Variants in MC2R observed in about 807,000 individuals in gnomAD.
MC2R encodes melanocortin 2 receptor.
MC2R carries 9 observed loss-of-function variants against 9.8 expected under a neutral mutation model. The ratio of observed to expected loss-of-function variants is 0.92; its 90% CI spans 0.55 to 1.60. The LOEUF (loss-of-function observed/expected upper bound fraction) is 1.60, where lower values mean the gene tolerates loss of function less well. MC2R is among the 40% of genes most tolerant of loss of function. The pLI is 0.00. For synonymous variants in MC2R, 185 were observed against 154.7 expected, an observed-to-expected ratio of 1.20 and a Z score of -1.45; for missense variants, 370 against 389.0, an observed-to-expected ratio of 0.95 and a Z score of 0.41.
intron 1 of MC2R, among the ~76,000 whole-genome samples, chr18:13,900,479 T>C (rs11080699): frequency 0.52 from 79,726 of 151,868 alleles, 22,176 homozygotes; most frequent in African/African-American, 0.72. Flanking sequence ...ATGAAAAACA[T>C]GACCCATTGA....
At chr18:13,911,540 T>G (rs2045444588) in intron 1 of MC2R, among the ~76,000 whole-genome samples, 1 of 152,204 alleles carries the variant, frequency 6.6e-6, no homozygotes, top group African/African-American at 2.4e-5. Context: ...CCTGGAAGAC[T>G]TCTCTGCCTT....
At chr18:13,909,992 C>A (rs2045435728) in intron 1 of MC2R, among the ~76,000 whole-genome samples, 1 of 152,092 alleles carries the variant, frequency 6.6e-6, no homozygotes, top group Non-Finnish European at 1.5e-5. Context: ...CTAAAAACAC[C>A]AAATCCAGTG....
chr18:13,890,689 C>T (rs1290155343), intron 1 of MC2R, among the ~76,000 whole-genome samples: 2 of 152,132 alleles, frequency 1.3e-5, no homozygotes, highest in African/African-American at 2.4e-5. Context: ...CGGCCCAATA[C>T]ACTTATGTCT....
At chr18:13,899,405 G>T (rs114433765) in intron 1 of MC2R, among the ~76,000 whole-genome samples, 107 of 152,284 alleles carry the variant, frequency 7.0e-4, no homozygotes, top group African/African-American at 2.4e-3. Flanking sequence ...AGAGTTATTG[G>T]TCTTAAAGAG....
chr18:13,885,106 T>C lies in MC2R; in HGVS notation c.413A>G (p.Tyr138Cys), dbSNP rs1484000465. The part of the protein sequence containing the change: ...RYITIFHALR[Y>C]HSIVTMRRTV... ...GCGGCGCATGGTCACGATGCTGTGG[T>C]ACCGCAGTGCGTGGAAGATGGTGAT... is the stretch of plus-strand genomic sequence containing the variant. Residue 138 changes from tyrosine to cysteine, a missense_variant, in exon 2 of 2, where the codon TAC becomes TGC. Coordinates refer to ENST00000327606, the MANE Select transcript of MC2R (RefSeq NM_000529.2). 2 of 1,614,044 alleles carry C rather than the reference T, an allele frequency of 1.2e-6. No individual in the cohort carries two copies. The highest frequency in any genetic ancestry group is 1.7e-5 in the Admixed American group (1 of 60,008).
At chr18:13,896,308 A>T in intron 1 of MC2R, among the ~76,000 whole-genome samples, 1 of 152,244 alleles carries the variant, frequency 6.6e-6, no homozygotes, top group East Asian at 1.9e-4. Context: ...TGTGACACCT[A>T]GAAGCAGCCA....
At chr18:13,906,489 A>G (rs2045415206) in intron 1 of MC2R, among the ~76,000 whole-genome samples, 2 of 152,170 alleles carry the variant, frequency 1.3e-5, no homozygotes, top group Non-Finnish European at 2.9e-5. Flanking sequence ...GCAAGCCACC[A>G]TGGTACATGT....
intron 1 of MC2R, among the ~76,000 whole-genome samples, chr18:13,906,894 A>C (rs902909666): frequency 2.0e-5 from 3 of 152,240 alleles, no homozygotes; most frequent in Non-Finnish European, 4.4e-5. Context: ...AAAACAGAAC[A>C]ATATTCTATG....
chr18:13,889,736 A>G (rs1374215785), intron 1 of MC2R, among the ~76,000 whole-genome samples: 1 of 152,306 alleles, frequency 6.6e-6, no homozygotes, highest in South Asian at 2.1e-4. Flanking sequence ...TCCAAGGGTA[A>G]GGAGAAGGCT....
intron 1 of MC2R, among the ~76,000 whole-genome samples, chr18:13,899,517 T>C (rs1313743063): frequency 6.6e-6 from 1 of 152,120 alleles, no homozygotes; most frequent in African/African-American, 2.4e-5. Context: ...TAAAAGGTTA[T>C]AGAACATCAA....
chr18:13,895,123 G>T (rs1285049496), intron 1 of MC2R, among the ~76,000 whole-genome samples: 2 of 152,206 alleles, frequency 1.3e-5, no homozygotes, highest in Non-Finnish European at 2.9e-5. Context: ...CTTGGGATGT[G>T]ACAATCAGCA....
rs1352682723 is a variant in MC2R, at chr18:13,885,036, A to G, written c.483T>C (p.Thr161=). The G allele has an allele frequency of 3.7e-6, 6 of 1,614,214 alleles. No individual in the cohort carries two copies. Among genetic ancestry groups the G allele is most frequent in the Admixed American group, 3.3e-5 (2 of 60,032 alleles). Residue 161 remains threonine, a synonymous_variant, in exon 2 of 2, where the codon ACT becomes ACC. Transcript: ENST00000327606. ...LTVIWTFCTG[T]GITMVIFSHH... is the part of the protein sequence containing the mutation. ...GGGAGAAGATCACCATGGTGATGCC[A>G]GTCCCCGTGCAGAACGTCCAGATGA...
At chr18:13,893,470 G>C (rs1282312195) in intron 1 of MC2R, among the ~76,000 whole-genome samples, 1 of 152,160 alleles carries the variant, frequency 6.6e-6, no homozygotes, top group Admixed American at 6.5e-5. Context: ...GGTCTTGAAG[G>C]TGCCCAAGCT....
rs200075322 is a variant in MC2R at position 13,884,970 on chromosome 18, C to A, written c.549G>T (p.Pro183=). 28 of 1,613,918 alleles carry A rather than the reference C, an allele frequency of 1.7e-5. No homozygotes were observed. In the Middle Eastern group the frequency reaches 6.6e-4, roughly 38 times the overall value. Residue 183 remains proline (P), a synonymous_variant, in exon 2 of 2, where the codon CCG becomes CCT. Coordinates refer to ENST00000327606, the MANE Select transcript of MC2R (RefSeq NM_000529.2). The part of the protein sequence containing the change: ...PTVITFTSLF[P]LMLVFILCLY... ...GGCACAGGATGAAGACCAGCATCAG[C>A]GGGAACAGCGACGTGAAGGTGATCA...
At chr18:13,894,159 T>C (rs968502810) in intron 1 of MC2R, among the ~76,000 whole-genome samples, 8 of 148,270 alleles carry the variant, frequency 5.4e-5, no homozygotes, top group Non-Finnish European at 9.0e-5. Context: ...TGTGTGTGTG[T>C]GCGTGCATGT....
rs550393597 is a variant in MC2R at position 13,889,244 on chromosome 18, C to T, written c.-128-3598G>A. On this transcript the variant is annotated intron_variant, in intron 1 of 1. Coordinates refer to ENST00000327606, the MANE Select transcript of MC2R (RefSeq NM_000529.2). ...GGAACCTCTGGAGTTAACTCCTGGC[C>T]CGAAGACCAAGCTCCATCACCTTGA... 3.9e-5 allele frequency among the ~76,000 whole-genome samples: 6 copies of T among 152,220 alleles called. No individual in the cohort carries two copies. The South Asian group carries it at 1.3e-3, about 32-fold the overall frequency.
Position 13,884,393 on chromosome 18 carries a change from C to T in MC2R, c.*232G>A. 1 of 592,820 alleles carries T rather than the reference C, an allele frequency of 1.7e-6. No individual in the cohort carries two copies. Among genetic ancestry groups the T allele is most frequent in the Non-Finnish European group, 3.0e-6 (1 of 332,966 alleles). The allele number at this position is 592,820 out of a possible 1,614,324, so 36.7% of individuals were successfully genotyped here. Reference sequence around the variant, plus strand: ...ACCTACCTAATACTTTGTATTCTATCCTTCTTTTACTACATCGTTTTATCT... The same window carrying T: ...ACCTACCTAATACTTTGTATTCTATTCTTCTTTTACTACATCGTTTTATCT... On this transcript the variant is annotated 3_prime_UTR_variant, in exon 2 of 2. Coordinates refer to ENST00000327606, the MANE Select transcript of MC2R (RefSeq NM_000529.2).
intron 1 of MC2R, among the ~76,000 whole-genome samples, chr18:13,892,805 TACACACACACACACACAC>T (rs34352644): frequency 3.5e-4 from 51 of 147,224 alleles, no homozygotes; most frequent in African/African-American, 1.0e-3. Flanking sequence ...CATAATCTGT[TACACACACACACACACAC>T]ACACACACAC....
At chr18:13,901,990 C>T (rs2045382974) in intron 1 of MC2R, among the ~76,000 whole-genome samples, 1 of 152,072 alleles carries the variant, frequency 6.6e-6, no homozygotes, top group Non-Finnish European at 1.5e-5. Flanking sequence ...CCGACTGCCC[C>T]ACTGCCAAAT....
Sources: allele counts gnomAD v4.1 joint callset (sites outside exome capture counted in the v4.1 genomes callset), GRCh38; gene constraint gnomAD v4.1.1; transcripts MANE v1.5; gene names NCBI Gene and HGNC (gene_info 2026-07-23, HGNC 2026-07-21).